STAG1: variants seen among roughly 807,000 people sequenced by gnomAD.
STAG1 encodes STAG1 cohesin complex component.
In STAG1, 26 loss-of-function variants were observed where a neutral mutation model predicts 170.9. That is an observed-to-expected ratio of 0.15 (90% confidence interval 0.11 to 0.21). The LOEUF is 0.21. Among genes scored for constraint, STAG1 ranks in the 10% least tolerant of loss-of-function variants. STAG1 has a pLI of 1.00. For synonymous variants in STAG1, 514 were observed against 497.7 expected, an observed-to-expected ratio of 1.03 and a Z score of -0.44; for missense variants, 964 against 1,509.5, an observed-to-expected ratio of 0.64 and a Z score of 5.99.
At chr3:136,419,128 G>C (rs888810507) in intron 20 of STAG1, among the ~76,000 whole-genome samples, 15 of 152,076 alleles carry the variant, frequency 9.9e-5, no homozygotes, top group African/African-American at 3.4e-4. Flanking sequence ...TGTGATAATG[G>C]TAAATTTTTA....
intron 1 of STAG1, among the ~76,000 whole-genome samples, chr3:136,728,183 AC>A (rs1391398843): frequency 3.9e-5 from 6 of 152,130 alleles, no homozygotes; most frequent in African/African-American, 1.2e-4. Context: ...AAACAAAAAA[AC>A]ACCACACTGA....
At chr3:136,735,154 G>T (rs766226815) in intron 1 of STAG1, among the ~76,000 whole-genome samples, 66 of 150,960 alleles carry the variant, frequency 4.4e-4, no homozygotes, top group Non-Finnish European at 5.3e-4. Flanking sequence ...TTCCGCTCTT[G>T]TTGCCCAGGC....
chr3:136,619,937 T>C (rs538493288), intron 3 of STAG1, among the ~76,000 whole-genome samples: 12 of 151,614 alleles, frequency 7.9e-5, no homozygotes, highest in Admixed American at 6.6e-5. Flanking sequence ...GTGGCGTGCG[T>C]CTGTAGTCCC....
chr3:136,518,369 G>C, intron 7 of STAG1: 2 of 700,486 alleles, frequency 2.9e-6, no homozygotes, highest in Non-Finnish European at 5.2e-6. Context: ...CTTTGAAGCA[G>C]AGGATTAAAT....
intron 10 of STAG1, among the ~76,000 whole-genome samples, chr3:136,476,518 A>G (rs1206699556): frequency 6.6e-6 from 1 of 152,224 alleles, no homozygotes; most frequent in Non-Finnish European, 1.5e-5. Flanking sequence ...ATGTATAATG[A>G]AAGGATCAAC....
chr3:136,527,316 T>C (rs1040463311), intron 6 of STAG1, among the ~76,000 whole-genome samples: 6 of 152,206 alleles, frequency 3.9e-5, no homozygotes, highest in African/African-American at 1.4e-4. Flanking sequence ...TTCTCCAAAC[T>C]TCCTTTCTCG....
intron 1 of STAG1, among the ~76,000 whole-genome samples, chr3:136,716,877 T>C (rs1361188330): frequency 4.6e-5 from 7 of 152,238 alleles, no homozygotes; most frequent in Non-Finnish European, 8.8e-5. Flanking sequence ...CAAATTACTA[T>C]ATTTTTCCAA....
intron 11 of STAG1, 27 bp from the exon 12 acceptor site, chr3:136,472,519 C>T (rs757958257): frequency 2.0e-6 from 3 of 1,532,504 alleles, no homozygotes; most frequent in Non-Finnish European, 2.7e-6. Context: ...GTAAAACAAA[C>T]CAACTATGAA....
At chr3:136,587,242 G>GA (rs961339919) in intron 4 of STAG1, among the ~76,000 whole-genome samples, 2 of 151,766 alleles carry the variant, frequency 1.3e-5, no homozygotes, top group African/African-American at 4.8e-5. Context: ...GCTATGAAAT[G>GA]AAAAAAGCAA....
At chr3:136,390,118 A>G (rs1049866314) in intron 22 of STAG1, among the ~76,000 whole-genome samples, 1 of 152,008 alleles carries the variant, frequency 6.6e-6, no homozygotes, top group Non-Finnish European at 1.5e-5. Flanking sequence ...GGTGTGAGTC[A>G]CCACGCCCGG....
chr3:136,623,229 T>C lies in STAG1; in HGVS notation c.49A>G (p.Thr17Ala). 1 of 1,613,286 alleles carries C rather than the reference T, an allele frequency of 6.2e-7. No individual in the cohort carries two copies. Reference sequence around the variant, plus strand: ...TCGCTGCCAGCATCGGAATGGGCAGTAGTTTCATTAGTTGAATCCCTAGAA... The same window carrying C: ...TCGCTGCCAGCATCGGAATGGGCAGCAGTTTCATTAGTTGAATCCCTAGAA... The part of the protein sequence containing the change: ...PVLQDSTNET[T>A]AHSDAGSELE... Residue 17 changes from threonine to alanine, a missense_variant, in exon 3 of 34, where the codon ACT (threonine) becomes GCT (alanine). Coordinates refer to ENST00000383202, the MANE Select transcript of STAG1 (RefSeq NM_005862.3).
At chr3:136,596,299 C>T (rs1017155476) in intron 4 of STAG1, among the ~76,000 whole-genome samples, 2 of 152,158 alleles carry the variant, frequency 1.3e-5, no homozygotes, top group African/African-American at 4.8e-5. Flanking sequence ...CTTGATCAGT[C>T]GGCAGCTATC....
chr3:136,623,798 T>C (rs1272543602), intron 2 of STAG1, among the ~76,000 whole-genome samples: 11 of 151,728 alleles, frequency 7.2e-5, no homozygotes, highest in Non-Finnish European at 4.4e-5. Flanking sequence ...GTACTAAAAG[T>C]ACAAAAATCA....
At chr3:136,393,744 T>C (rs146046349) in intron 22 of STAG1, among the ~76,000 whole-genome samples, 1,898 of 152,066 alleles carry the variant, frequency 0.012, 41 homozygotes, top group African/African-American at 0.043. Flanking sequence ...TACAGGCATG[T>C]GTCACTACAC....
chr3:136,371,942 T>C (rs1310653890), intron 23 of STAG1, among the ~76,000 whole-genome samples: 3 of 152,216 alleles, frequency 2.0e-5, no homozygotes, highest in Non-Finnish European at 4.4e-5. Context: ...TAAATTACCC[T>C]GGGCAGTACG....
At chr3:136,516,276 T>C (rs566806140) in intron 7 of STAG1, among the ~76,000 whole-genome samples, 7 of 152,078 alleles carry the variant, frequency 4.6e-5, no homozygotes, top group African/African-American at 1.4e-4. Flanking sequence ...TTAGAGGCCA[T>C]GGTATGCAAA....
At chr3:136,737,839 G>A (rs1326567170) in intron 1 of STAG1, among the ~76,000 whole-genome samples, 1 of 152,138 alleles carries the variant, frequency 6.6e-6, no homozygotes, top group Non-Finnish European at 1.5e-5. Context: ...GGAGGCCGAG[G>A]CGGGCGGATC....
At chr3:136,734,043 C>CT (rs1229624380) in intron 1 of STAG1, among the ~76,000 whole-genome samples, 1 of 148,278 alleles carries the variant, frequency 6.7e-6, no homozygotes, top group Non-Finnish European at 1.5e-5. Context: ...GGAGGCAGAG[C>CT]TTGCAGTGAG....
chr3:136,633,778 G>A (rs181574805), intron 1 of STAG1, among the ~76,000 whole-genome samples: 1 of 148,708 alleles, frequency 6.7e-6, no homozygotes, highest in East Asian at 2.0e-4. Context: ...TGGGGGCCAG[G>A]AGTTCGAGAC....
Sources: allele counts gnomAD v4.1 joint callset (sites outside exome capture counted in the v4.1 genomes callset), GRCh38; gene constraint gnomAD v4.1.1; transcripts MANE v1.5; gene names NCBI Gene and HGNC (gene_info 2026-07-23, HGNC 2026-07-21).